Variants in MDM2 observed in about 807,000 individuals in gnomAD.
MDM2 encodes the protein MDM2 proto-oncogene, also known as E3 ubiquitin-protein ligase Mdm2.
MDM2 carries 11 observed loss-of-function variants against 64.3 expected under a neutral mutation model. The observed-to-expected ratio is 0.17, with a 90% CI of 0.11 to 0.28. The LOEUF (loss-of-function observed/expected upper bound fraction) is 0.28, where lower values mean the gene tolerates loss of function less well. Among genes scored for constraint, MDM2 ranks in the 10% least tolerant of loss-of-function variants. The pLI is 1.00. For synonymous variants in MDM2, 194 were observed against 192.9 expected, an observed-to-expected ratio of 1.01 and a Z score of -0.05; for missense variants, 388 against 577.1, an observed-to-expected ratio of 0.67 and a Z score of 3.36.
Position 68,843,770 on chromosome 12 carries a change from C to A in MDM2, c.*3921C>A, listed in dbSNP as rs1884019886. On this transcript the variant is annotated 3_prime_UTR_variant, in exon 11 of 11. Coordinates refer to ENST00000258149, the MANE Select transcript of MDM2 (RefSeq NM_002392.6). ...TAGTAGTTTACCTGTGGAGGTCCTCCAAGCATTATTTGGAGTTGATAATAC... is the reference window on the plus strand; with the variant it reads ...TAGTAGTTTACCTGTGGAGGTCCTCAAAGCATTATTTGGAGTTGATAATAC... 4.5e-6 allele frequency: 1 copy of A among 222,780 alleles called. No individual in the cohort carries two copies. The highest frequency in any genetic ancestry group is 9.0e-6 in the Non-Finnish European group (1 of 111,606). The allele number at this position is 222,780 out of a possible 1,614,324, so 13.8% of individuals were successfully genotyped here.
Position 68,808,250 on chromosome 12 carries a change from G to A in MDM2, c.-228G>A, listed in dbSNP as rs533035985. On this transcript the variant is annotated 5_prime_UTR_variant, in exon 1 of 11. Transcript: ENST00000258149. ...TGTGGCCCTGTGTGTCGGAAAGATG[G>A]AGCAAGAAGCCGAGCCCGAGGGGCG... 1.7e-6 allele frequency: 1 copy of A among 593,504 alleles called. No homozygotes were observed. Among genetic ancestry groups the A allele is most frequent in the South Asian group, 2.0e-5 (1 of 50,760 alleles). 36.8% of individuals were successfully genotyped at this position (593,504 alleles called of 1,614,324 possible). A position where few individuals can be genotyped will look rare whatever the true frequency, so the allele number is the denominator to read the frequency against.
intron 10 of MDM2, among the ~76,000 whole-genome samples, chr12:68,837,918 T>C (rs1200205417): frequency 6.6e-6 from 1 of 152,186 alleles, no homozygotes; most frequent in Admixed American, 6.5e-5. Flanking sequence ...AATTCAAGAG[T>C]TTCCAAAATT....
In MDM2 at chr12:68,809,296, A is replaced by G. The variant is rs948190515; in HGVS notation, c.99+4A>G. 1.3e-5 allele frequency: 21 copies of G among 1,612,826 alleles called. No homozygotes were observed. The highest frequency in any genetic ancestry group is 1.8e-5 in the Non-Finnish European group (21 of 1,179,004). On this transcript the variant is annotated splice_donor_region_variant and intron_variant, in intron 2 of 10. Coordinates refer to ENST00000258149, the MANE Select transcript of MDM2 (RefSeq NM_002392.6). ...AGCTTCGGAACAAGAGACCCTGGTT[A>G]GTATTTTTGTCTCGTGTAACTTTTA...
At chr12:68,815,797 A>C (rs1465651898) in intron 3 of MDM2, 1 of 190,104 alleles carries the variant, frequency 5.3e-6, no homozygotes, top group Non-Finnish European at 1.2e-5. Flanking sequence ...TCAGAATGAG[A>C]TAATACTTAT....
chr12:68,824,057 T>C, intron 5 of MDM2: 1 of 292,888 alleles, frequency 3.4e-6, no homozygotes, highest in Non-Finnish European at 6.3e-6. Flanking sequence ...AAATATTTCC[T>C]GATTCTTTGT....
At chr12:68,816,769 ATT>A (rs1265438237) in intron 3 of MDM2, 41 bp from the exon 4 acceptor site, 4 of 1,508,390 alleles carry the variant, frequency 2.7e-6, no homozygotes, top group Middle Eastern at 2.1e-4. Context: ...TACAACTAAC[ATT>A]TAGTTTTCTT....
Position 68,842,688 on chromosome 12 carries a change from G to C in MDM2, c.*2839G>C, listed in dbSNP as rs180873498. 6.7e-3 allele frequency: 1,396 copies of C among 208,022 alleles called. 10 individuals carry two copies. The highest frequency in any genetic ancestry group is 0.011 in the Non-Finnish European group (1,102 of 99,830). The allele number at this position is 208,022 out of a possible 1,614,324, so 12.9% of individuals were successfully genotyped here. A position where few individuals can be genotyped will look rare whatever the true frequency, so the allele number is the denominator to read the frequency against. ...AATGACATTCAAAAATTTATGGCTA[G>C]TGATATATATAAAGTAAAATTTTCT... On this transcript the variant is annotated 3_prime_UTR_variant, in exon 11 of 11. Transcript: ENST00000258149.
Position 68,824,575 on chromosome 12 carries a change from G to A in MDM2, c.447G>A (p.Gln149=), listed in dbSNP as rs754627845. 13 of 1,613,300 alleles carry A rather than the reference G, an allele frequency of 8.1e-6. No individual in the cohort carries two copies. In the Admixed American group the frequency reaches 2.2e-4, roughly 27 times the overall value. The change falls in exon 7 of 11, where the codon CAG becomes CAA. Residue 149 remains glutamine, a synonymous_variant. Coordinates refer to ENST00000258149, the MANE Select transcript of MDM2 (RefSeq NM_002392.6). ...CTTAGGACCTTGTACAAGAGCTTCA[G>A]GAAGAGAAACCTTCATCTTCACATT... is the stretch of plus-strand genomic sequence containing the variant. ...SDQKDLVQEL[Q]EEKPSSSHLV...
intron 3 of MDM2, chr12:68,814,552 G>C: frequency 2.9e-6 from 1 of 349,938 alleles, no homozygotes; most frequent in Non-Finnish European, 5.6e-6. Flanking sequence ...AATAAGAATA[G>C]AATTTTTTTT....
downstream of MDM2, chr12:68,847,452 CTTTTTTTT>C (rs772905678): frequency 1.1e-5 from 1 of 88,722 alleles, no homozygotes; most frequent in Admixed American, 1.4e-4. Context: ...TATCTCCTTT[CTTTTTTTT>C]TTTTTTTTTT....
intron 9 of MDM2, 182 bp from the exon 10 acceptor site, chr12:68,836,490 T>C (rs1052437812): frequency 4.0e-6 from 2 of 495,016 alleles, no homozygotes; most frequent in Non-Finnish European, 7.2e-6. Context: ...TTTACCATTG[T>C]GGGTAAGGAT....
chr12:68,842,752 A>G lies in MDM2; in HGVS notation c.*2903A>G, dbSNP rs1290001713. ...TGCCCTTTATTATAGAAGGGAGGATATAAGGAACCAACAGTTTGTATGAAA... is the reference window on the plus strand; with the variant it reads ...TGCCCTTTATTATAGAAGGGAGGATGTAAGGAACCAACAGTTTGTATGAAA... On this transcript the variant is annotated 3_prime_UTR_variant, in exon 11 of 11. Coordinates refer to ENST00000258149, the MANE Select transcript of MDM2 (RefSeq NM_002392.6). The G allele has an allele frequency of 5.2e-6, 1 of 193,670 alleles. No individual in the cohort carries two copies. 12.0% of individuals were successfully genotyped at this position (193,670 alleles called of 1,614,324 possible). A position where few individuals can be genotyped will look rare whatever the true frequency, so the allele number is the denominator to read the frequency against.
At chr12:68,831,120 G>A (rs929298947) in intron 8 of MDM2, among the ~76,000 whole-genome samples, 2 of 152,170 alleles carry the variant, frequency 1.3e-5, no homozygotes, top group Non-Finnish European at 2.9e-5. Context: ...GCTTTGAGGA[G>A]TAGAGGAACA....
At chr12:68,824,271 G>C (rs1425413445) in intron 5 of MDM2, 92 bp from the exon 6 acceptor site, 2 of 806,436 alleles carry the variant, frequency 2.5e-6, no homozygotes, top group Non-Finnish European at 4.1e-6. Flanking sequence ...ATTGCATAAG[G>C]GTTTGTGTTA....
rs796507690 is a variant in MDM2 at position 68,813,485 on chromosome 12, T to C, written c.100-69T>C. ...TCCCCTTTATTGAACTTGATGGATA[T>C]GTTTGCTGCAGGGCCTATAGTTCTG... On this transcript the variant is annotated intron_variant, in intron 2 of 10. Transcript: ENST00000258149. 4.0e-6 allele frequency: 4 copies of C among 1,012,042 alleles called. No individual in the cohort carries two copies. In the South Asian group the frequency reaches 4.2e-5, roughly 11 times the overall value. 62.7% of individuals were successfully genotyped at this position (1,012,042 alleles called of 1,614,324 possible).
intron 10 of MDM2, among the ~76,000 whole-genome samples, chr12:68,838,768 C>G (rs1261354108): frequency 6.6e-6 from 1 of 152,110 alleles, no homozygotes; most frequent in African/African-American, 2.4e-5. Context: ...GCATTTGTAT[C>G]CTGAAACAGA....
chr12:68,829,825 C>CT (rs1437791823), intron 8 of MDM2, among the ~76,000 whole-genome samples: 1 of 150,878 alleles, frequency 6.6e-6, no homozygotes, highest in East Asian at 1.9e-4. Context: ...AGTATCAGTA[C>CT]TTTCTCATTA....
chr12:68,815,781 G>A, intron 3 of MDM2: 1 of 212,814 alleles, frequency 4.7e-6, no homozygotes, highest in Middle Eastern at 4.9e-4. Flanking sequence ...ATAATCTTAT[G>A]AAATATCAGA....
chr12:68,835,663 T>C (rs1883244100), intron 8 of MDM2, among the ~76,000 whole-genome samples, 166 bp from the exon 9 acceptor site: 1 of 152,214 alleles, frequency 6.6e-6, no homozygotes, highest in Non-Finnish European at 1.5e-5. Context: ...GGGCCTAGTC[T>C]TCTGCCCGCC....
Sources: gnomAD v4.1 joint callset for allele counts (sites outside exome capture counted in the v4.1 genomes callset) on GRCh38, gnomAD v4.1.1 for gene constraint, MANE v1.5 for transcripts, NCBI Gene and HGNC (gene_info 2026-07-23, HGNC 2026-07-21) for gene names.